The following CTNNA2 variants were observed in gnomAD, a reference collection of about 807,000 sequenced individuals.
The protein encoded by CTNNA2 is catenin alpha-2.
In CTNNA2, 42 loss-of-function variants were observed where a neutral mutation model predicts 101.0. The observed-to-expected ratio is 0.42, with a 90% confidence interval of 0.32 to 0.54. The LOEUF (loss-of-function observed/expected upper bound fraction) is 0.54. Among genes scored for constraint, CTNNA2 ranks in the 20% least tolerant of loss-of-function variants. The pLI is 0.14. For missense variants in CTNNA2, 871 were observed against 1,223.1 expected (o/e 0.71, Z 4.29); for synonymous variants, 450 against 456.4 (o/e 0.99, Z 0.18).
chr2:79,701,786 G>C (rs186180352), intron 2 of CTNNA2, among the ~76,000 whole-genome samples: 1 of 152,078 alleles, frequency 6.6e-6, no homozygotes, highest in African/African-American at 2.4e-5. Flanking sequence ...TGGATCACTT[G>C]AGGTCAAGAG....
chr2:80,540,698 T>C (rs1283859398), intron 9 of CTNNA2, among the ~76,000 whole-genome samples: 1 of 152,094 alleles, frequency 6.6e-6, no homozygotes, highest in Non-Finnish European at 1.5e-5. Flanking sequence ...AGCTATATTA[T>C]TTTTTTCTTT....
chr2:80,625,395 T>C (rs996939552), intron 18 of CTNNA2, among the ~76,000 whole-genome samples: 2 of 151,866 alleles, frequency 1.3e-5, no homozygotes, highest in African/African-American at 4.8e-5. Context: ...AATACTATCA[T>C]CCCCATTGAA....
chr2:79,771,103 C>G (rs1371104762), intron 3 of CTNNA2, among the ~76,000 whole-genome samples: 2 of 152,156 alleles, frequency 1.3e-5, no homozygotes, highest in Non-Finnish European at 2.9e-5. Flanking sequence ...CCAAATCAAA[C>G]TACCTATTAT....
Position 79,714,259 on chromosome 2 carries a change from C to CTGAA in CTNNA2, c.103-30127_103-30124dup, listed in dbSNP as rs202188761. ...CGGGCACATAATTAATACTACAGTA[C>CTGAA]TGAACACTTAACAATTATTGAGATG... On this transcript the variant is annotated intron_variant, in intron 2 of 18. Transcript: ENST00000402739. Among the ~76,000 whole-genome samples the CTGAA allele has an allele frequency of 4.4e-3, 671 of 152,056 alleles. 5 individuals carry two copies. The highest frequency in any genetic ancestry group is 0.015 in the African/African-American group (641 of 41,474).
At chr2:79,216,084 A>G (rs1285169027) in intron 2 of CTNNA2, among the ~76,000 whole-genome samples, 2 of 152,116 alleles carry the variant, frequency 1.3e-5, no homozygotes. Context: ...CCATTTGCCT[A>G]TTTTACGACA....
Position 80,495,732 on chromosome 2 carries a change from A to G in CTNNA2, c.1291-49250A>G, listed in dbSNP as rs542674649. 4.6e-5 allele frequency among the ~76,000 whole-genome samples: 7 copies of G among 152,224 alleles called. No homozygotes were observed. The East Asian group carries it at 1.4e-3, about 30-fold the overall frequency. On this transcript the variant is annotated intron_variant, in intron 9 of 18. Coordinates refer to ENST00000402739, the MANE Select transcript of CTNNA2 (RefSeq NM_001282597.3). Reference sequence around the variant, plus strand: ...GGTGGGCAGATTACCTGAGGTCAGGAGTTCGAGACCAGCCTGGCCAACATG... The same window carrying G: ...GGTGGGCAGATTACCTGAGGTCAGGGGTTCGAGACCAGCCTGGCCAACATG...
chr2:80,333,805 C>T (rs1375134390), intron 7 of CTNNA2, among the ~76,000 whole-genome samples: 1 of 152,094 alleles, frequency 6.6e-6, no homozygotes, highest in African/African-American at 2.4e-5. Context: ...TGTATTTTTA[C>T]TAGAGACGGG....
At chr2:80,059,220 T>C (rs72924637) in intron 7 of CTNNA2, among the ~76,000 whole-genome samples, 4,523 of 152,214 alleles carry the variant, frequency 0.03, 218 homozygotes, top group African/African-American at 0.1. Context: ...GTAGTTCAGT[T>C]GCCCCGGCTG....
chr2:80,644,131 A>G (rs1449836299), intron 18 of CTNNA2, among the ~76,000 whole-genome samples: 1 of 152,038 alleles, frequency 6.6e-6, no homozygotes, highest in Non-Finnish European at 1.5e-5. Context: ...GGCCTTGGAG[A>G]GAGATAGTAG....
rs144194653 is a variant in CTNNA2 at position 80,645,773 on chromosome 2, A to G, written c.2575-1812A>G. ...TAGAAATTTGGGCTGTATAAACGAA[A>G]GAGTATGGGGTTCAGCAGTGATTTT... On this transcript the variant is annotated intron_variant, in intron 18 of 18. Coordinates refer to ENST00000402739, the MANE Select transcript of CTNNA2 (RefSeq NM_001282597.3). Among the ~76,000 whole-genome samples, 351 of 152,234 alleles carry G rather than the reference A, an allele frequency of 2.3e-3. 3 individuals are homozygous for G. The highest frequency in any genetic ancestry group is 6.8e-3 in the Middle Eastern group (2 of 294).
intron 4 of CTNNA2, among the ~76,000 whole-genome samples, chr2:79,400,258 C>A (rs1436809919): frequency 1.3e-5 from 2 of 151,950 alleles, no homozygotes; most frequent in Non-Finnish European, 2.9e-5. Flanking sequence ...CCTTTGTCTA[C>A]AAGGAAATTC....
intron 2 of CTNNA2, among the ~76,000 whole-genome samples, chr2:79,219,842 C>A (rs893039708): frequency 1.3e-5 from 2 of 152,144 alleles, no homozygotes; most frequent in African/African-American, 4.8e-5. Context: ...TAGAGACATC[C>A]TTTTGGTGAC....
chr2:79,906,293 T>TAC (rs35256196), intron 6 of CTNNA2, among the ~76,000 whole-genome samples: 12,188 of 149,852 alleles, frequency 0.081, 655 homozygotes, highest in African/African-American at 0.15. Flanking sequence ...TCATCCGGGA[T>TAC]ACACACACAC....
intron 7 of CTNNA2, among the ~76,000 whole-genome samples, chr2:80,175,854 C>T (rs1705361690): frequency 6.6e-6 from 1 of 152,200 alleles, no homozygotes; most frequent in Non-Finnish European, 1.5e-5. Flanking sequence ...AGTTCAAAGG[C>T]TGAAGAACTT....
intron 9 of CTNNA2, among the ~76,000 whole-genome samples, chr2:80,421,802 CAAA>C (rs754594979): frequency 3.0e-5 from 2 of 67,034 alleles, no homozygotes; most frequent in African/African-American, 4.8e-5. Flanking sequence ...TGCATATATA[CAAA>C]AAAAAAAAAA....
intron 7 of CTNNA2, among the ~76,000 whole-genome samples, chr2:80,032,388 T>G (rs1420130247): frequency 6.6e-6 from 1 of 152,198 alleles, no homozygotes; most frequent in Non-Finnish European, 1.5e-5. Context: ...GAGGTGGGAT[T>G]TATTGGAGCA....
chr2:79,461,812 T>C (rs1424061374), intron 4 of CTNNA2, among the ~76,000 whole-genome samples: 1 of 151,806 alleles, frequency 6.6e-6, no homozygotes, highest in Non-Finnish European at 1.5e-5. Context: ...AAAGGTAAAA[T>C]TGATGAGGAA....
At chr2:80,356,464 A>T (rs1243808307) in intron 7 of CTNNA2, among the ~76,000 whole-genome samples, 1 of 152,174 alleles carries the variant, frequency 6.6e-6, no homozygotes, top group East Asian at 1.9e-4. Context: ...CGGCTCAAAC[A>T]TCCTGAGCTA....
chr2:80,606,816 C>A (rs1157362973), intron 16 of CTNNA2, among the ~76,000 whole-genome samples: 1 of 151,736 alleles, frequency 6.6e-6, no homozygotes, highest in Admixed American at 6.6e-5. Flanking sequence ...ATTACTGTTC[C>A]ATTGAGATAG....
Sources: allele counts gnomAD v4.1 joint callset (sites outside exome capture counted in the v4.1 genomes callset), GRCh38; gene constraint gnomAD v4.1.1; transcripts MANE v1.5; gene names NCBI Gene and HGNC (gene_info 2026-07-23, HGNC 2026-07-21).